Variants in EGFR observed in about 807,000 individuals in gnomAD.
EGFR encodes the protein avian erythroblastic leukemia viral (v-erb-b) oncogene homolog.
In EGFR, 58 loss-of-function variants were observed where a neutral mutation model predicts 143.0. The observed-to-expected ratio is 0.41, with a 90% CI of 0.33 to 0.50. The LOEUF (loss-of-function observed/expected upper bound fraction) is 0.50, where lower values mean the gene tolerates loss of function less well. Among genes scored for constraint, EGFR ranks in the 20% least tolerant of loss-of-function variants. The pLI, the probability that EGFR is intolerant of heterozygous loss-of-function variation, is 0.39. For missense variants in EGFR, 1,307 were observed against 1,579.0 expected (o/e 0.83, Z 2.92); for synonymous variants, 613 against 594.4 (o/e 1.03, Z -0.45).
chr7:55,199,008 C>T (rs1458976351), intron 23 of EGFR, 145 bp downstream of exon 23: 2 of 1,056,952 alleles, frequency 1.9e-6, no homozygotes, highest in African/African-American at 1.6e-5. Context: ...TCTGTAAATA[C>T]CCCTTCAAGC....
intron 1 of EGFR, among the ~76,000 whole-genome samples, chr7:55,095,216 C>A (rs1339637973): frequency 2.0e-5 from 3 of 152,226 alleles, no homozygotes; most frequent in African/African-American, 7.2e-5. Context: ...CACCTTCCCT[C>A]TTCTCTGCTG....
At chr7:55,160,723 T>A (rs1280049448) in intron 12 of EGFR, among the ~76,000 whole-genome samples, 4 of 152,252 alleles carry the variant, frequency 2.6e-5, no homozygotes, top group African/African-American at 9.6e-5. Flanking sequence ...CTTCCTGTTC[T>A]GGCTCTAGAG....
At chr7:55,193,062 G>A (rs564860538) in intron 22 of EGFR, among the ~76,000 whole-genome samples, 4 of 151,740 alleles carry the variant, frequency 2.6e-5, no homozygotes, top group Admixed American at 6.6e-5. Flanking sequence ...CAATGAGCTC[G>A]TCTGGCAGGG....
chr7:55,174,749 G>T lies in EGFR; in HGVS notation c.2212G>T (p.Val738Phe), dbSNP rs2128954625. Residue 738 changes from valine to phenylalanine, a missense_variant, in exon 19 of 28, where the codon GTT becomes TTT. Val to Phe is a conservative substitution (Grantham distance 50). Around this residue, in one of 7 missense-constraint regions of EGFR, gnomAD observed 348 missense variants for 451.5 expected, o/e 0.77. Coordinates refer to ENST00000275493, the MANE Select transcript of EGFR (RefSeq NM_005228.5). ...KGLWIPEGEK[V>F]KIPVAIKELR... is the part of the protein sequence containing the mutation. Reference sequence around the variant, plus strand: ...ACTCTGGATCCCAGAAGGTGAGAAAGTTAAAATTCCCGTCGCTATCAAGGA... The same window carrying T: ...ACTCTGGATCCCAGAAGGTGAGAAATTTAAAATTCCCGTCGCTATCAAGGA... 6.2e-7 allele frequency: 1 copy of T among 1,614,056 alleles called. No homozygotes were observed. Among genetic ancestry groups the T allele is most frequent in the Non-Finnish European group, 8.5e-7 (1 of 1,179,932 alleles).
rs1357815962 is a variant in EGFR, at chr7:55,156,398, G to C, written c.1007-135G>C. The C allele has an allele frequency of 3.1e-6, 4 of 1,273,958 alleles. No individual in the cohort carries two copies. In the East Asian group the frequency reaches 6.9e-5, roughly 22 times the overall value. The allele number at this position is 1,273,958 out of a possible 1,614,324, so 78.9% of individuals were successfully genotyped here. A position where few individuals can be genotyped will look rare whatever the true frequency, so the allele number is the denominator to read the frequency against. On this transcript the variant is annotated intron_variant, in intron 8 of 27. Coordinates refer to ENST00000275493, the MANE Select transcript of EGFR (RefSeq NM_005228.5). ...CTCCCCAGCCCCTTCAGTGTTTGTT[G>C]AGTGAATGAAGGATGATGTGGCAGT...
intron 1 of EGFR, among the ~76,000 whole-genome samples, chr7:55,138,219 C>CA (rs1378920676): frequency 6.6e-6 from 1 of 152,004 alleles, no homozygotes; most frequent in Non-Finnish European, 1.5e-5. Flanking sequence ...AATTTTAGGA[C>CA]AAAAAGTTAG....
rs1785203186 is a variant in EGFR at position 55,152,439 on chromosome 7, T to C, written c.629-107T>C. Reference sequence around the variant, plus strand: ...TGAATGTGGTTTCGTTGGAAGCAAATGTGTCTTCACTTTTTCATGAAAAAG... The same window carrying C: ...TGAATGTGGTTTCGTTGGAAGCAAACGTGTCTTCACTTTTTCATGAAAAAG... On this transcript the variant is annotated intron_variant, in intron 5 of 27. Coordinates refer to ENST00000275493, the MANE Select transcript of EGFR (RefSeq NM_005228.5). 2.3e-5 allele frequency: 24 copies of C among 1,022,586 alleles called. No homozygotes were observed. The South Asian group carries it at 2.5e-4, about 11-fold the overall frequency. The allele number at this position is 1,022,586 out of a possible 1,614,324, so 63.3% of individuals were successfully genotyped here.
chr7:55,157,794 C>G, intron 11 of EGFR, 41 bp downstream of exon 11: 2 of 1,602,164 alleles, frequency 1.2e-6, no homozygotes, highest in Admixed American at 1.7e-5. Flanking sequence ...TTACATTTGC[C>G]TTTTTAGTTG....
intron 1 of EGFR, among the ~76,000 whole-genome samples, chr7:55,082,277 C>T (rs1305671951): frequency 6.6e-6 from 1 of 152,218 alleles, no homozygotes; most frequent in Non-Finnish European, 1.5e-5. Context: ...TCCTTGAACA[C>T]CTCCTACTTG....
chr7:55,073,849 T>C (rs1482187055), intron 1 of EGFR, among the ~76,000 whole-genome samples: 1 of 152,220 alleles, frequency 6.6e-6, no homozygotes, highest in African/African-American at 2.4e-5. Context: ...TCAACATATA[T>C]TTTTCTTCCA....
At chr7:55,191,897 G>T in intron 21 of EGFR, 23 bp downstream of exon 21, 1 of 1,612,330 alleles carries the variant, frequency 6.2e-7, no homozygotes, top group Non-Finnish European at 8.5e-7. Flanking sequence ...CTTTAGGTCA[G>T]CCAGCATTTT....
intron 1 of EGFR, among the ~76,000 whole-genome samples, chr7:55,114,127 A>G (rs961268064): frequency 6.6e-6 from 1 of 152,268 alleles, no homozygotes; most frequent in Non-Finnish European, 1.5e-5. Context: ...AAAGCATGTT[A>G]TAGTAAATAA....
At chr7:55,039,521 C>A (rs1223661875) in intron 1 of EGFR, among the ~76,000 whole-genome samples, 3 of 152,124 alleles carry the variant, frequency 2.0e-5, no homozygotes, top group Non-Finnish European at 4.4e-5. Context: ...CACAAGGAGG[C>A]ACAGAGCATG....
intron 3 of EGFR, among the ~76,000 whole-genome samples, chr7:55,145,208 C>T (rs1019974752): frequency 1.3e-5 from 2 of 152,164 alleles, no homozygotes; most frequent in Non-Finnish European, 2.9e-5. Context: ...CTCCTCGCCC[C>T]GCCCCCTGCT....
At chr7:55,058,626 G>A (rs1259564415) in intron 1 of EGFR, among the ~76,000 whole-genome samples, 2 of 152,266 alleles carry the variant, frequency 1.3e-5, no homozygotes, top group African/African-American at 4.8e-5. Flanking sequence ...AATACCGCAT[G>A]TTATCACTTA....
chr7:55,074,020 C>A (rs1311476846), intron 1 of EGFR, among the ~76,000 whole-genome samples: 1 of 152,206 alleles, frequency 6.6e-6, no homozygotes, highest in East Asian at 1.9e-4. Context: ...CTGGAGAGGG[C>A]GAGGCCCATG....
chr7:55,126,966 C>A (rs1793562012), intron 1 of EGFR, among the ~76,000 whole-genome samples: 1 of 152,076 alleles, frequency 6.6e-6, no homozygotes, highest in African/African-American at 2.4e-5. Context: ...CTCAAACTAA[C>A]ACTAAATAAT....
At chr7:55,138,376 C>T (rs938430112) in intron 1 of EGFR, among the ~76,000 whole-genome samples, 1 of 152,172 alleles carries the variant, frequency 6.6e-6, no homozygotes. Context: ...AATGTATAGA[C>T]TTAAAGTAAT....
At chr7:55,098,779 A>G (rs980491586) in intron 1 of EGFR, among the ~76,000 whole-genome samples, 1 of 152,346 alleles carries the variant, frequency 6.6e-6, no homozygotes, top group Non-Finnish European at 1.5e-5. Context: ...GCCTTTTGTG[A>G]TTCAAGGCTT....
Sources: gnomAD v4.1 joint callset for allele counts (sites outside exome capture counted in the v4.1 genomes callset) on GRCh38, gnomAD v4.1.1 for gene constraint, gnomAD v4.1.1 regional missense constraint, MANE v1.5 for transcripts, NCBI Gene and HGNC (gene_info 2026-07-23, HGNC 2026-07-21) for gene names.